The following PGCKA1 variants were observed in gnomAD, a reference collection of about 807,000 sequenced individuals.
PGCKA1 encodes the protein PDCD10 and GCKIII kinases associated 1.
chr4:37,455,165 A>ATTAT, the PGCKA1 span, among the ~76,000 whole-genome samples: 8 of 152,186 alleles, frequency 5.3e-5, no homozygotes, highest in Admixed American at 3.9e-4. Context: ...GCTTTTAAAC[A>ATTAT]TAATAGAGTC....
At chr4:37,583,659 G>A in the PGCKA1 span, among the ~76,000 whole-genome samples, 2 of 151,992 alleles carry the variant, frequency 1.3e-5, no homozygotes, top group South Asian at 2.1e-4. Context: ...GGATGGTCTC[G>A]ATCTCCTGAC....
At chr4:37,556,822 T>C in the PGCKA1 span, among the ~76,000 whole-genome samples, 613 of 152,344 alleles carry the variant, frequency 4.0e-3, 1 homozygote, top group African/African-American at 0.014. Context: ...CATGGCTTCC[T>C]TATCAAGTAA....
chr4:37,571,801 T>G, the PGCKA1 span, among the ~76,000 whole-genome samples: 1 of 151,758 alleles, frequency 6.6e-6, no homozygotes, highest in South Asian at 2.1e-4. Context: ...CCTCCCAAAT[T>G]TTGTATTTTT....
At chr4:37,578,554 T>C in the PGCKA1 span, among the ~76,000 whole-genome samples, 1 of 152,234 alleles carries the variant, frequency 6.6e-6, no homozygotes. Context: ...TTTGATGTTA[T>C]GATTAATAAG....
At chr4:37,554,172 G>A in the PGCKA1 span, among the ~76,000 whole-genome samples, 1 of 152,134 alleles carries the variant, frequency 6.6e-6, no homozygotes, top group Non-Finnish European at 1.5e-5. Flanking sequence ...CTCCTGACAT[G>A]TAAGATGTGC....
the PGCKA1 span, among the ~76,000 whole-genome samples, chr4:37,512,073 A>G: frequency 6.6e-6 from 1 of 152,200 alleles, no homozygotes; most frequent in Non-Finnish European, 1.5e-5. Flanking sequence ...AAGTGCACAG[A>G]TTCTTGGTAC....
At chr4:37,499,164 G>A in the PGCKA1 span, among the ~76,000 whole-genome samples, 3 of 152,198 alleles carry the variant, frequency 2.0e-5, no homozygotes, top group African/African-American at 7.2e-5. Flanking sequence ...TTGCATCCCA[G>A]GGATAAAGCC....
At chr4:37,543,017 C>T in the PGCKA1 span, among the ~76,000 whole-genome samples, 1 of 152,204 alleles carries the variant, frequency 6.6e-6, no homozygotes, top group South Asian at 2.1e-4. Flanking sequence ...TTGCTATCAT[C>T]TAATTCACTC....
At chr4:37,522,469 C>T in the PGCKA1 span, among the ~76,000 whole-genome samples, 20 of 152,220 alleles carry the variant, frequency 1.3e-4, no homozygotes, top group African/African-American at 4.3e-4. Context: ...ACTCATCCTT[C>T]GGGAAAGTGG....
At chr4:37,522,060 C>T in the PGCKA1 span, among the ~76,000 whole-genome samples, 2 of 152,142 alleles carry the variant, frequency 1.3e-5, no homozygotes, top group Admixed American at 1.3e-4. Context: ...TTGGGTCTCA[C>T]CCAAGGCCTA....
the PGCKA1 span, chr4:37,590,833 C>G: frequency 2.0e-5 from 32 of 1,614,054 alleles, no homozygotes; most frequent in Non-Finnish European, 2.6e-5. Context: ...TGAGAAGGGT[C>G]CTGTTCATGC....
chr4:37,468,892 G>C, the PGCKA1 span, among the ~76,000 whole-genome samples: 1 of 151,834 alleles, frequency 6.6e-6, no homozygotes, highest in Admixed American at 6.6e-5. Context: ...CTTAAAATTC[G>C]GAAAAAACGT....
the PGCKA1 span, among the ~76,000 whole-genome samples, chr4:37,573,012 T>C: frequency 6.6e-6 from 1 of 152,240 alleles, no homozygotes; most frequent in Non-Finnish European, 1.5e-5. Context: ...TATAGCAAAG[T>C]TGAAAGAATT....
the PGCKA1 span, chr4:37,590,226 G>C: frequency 1.5e-5 from 24 of 1,614,252 alleles, no homozygotes; most frequent in Non-Finnish European, 2.0e-5. Context: ...ATGACCCTCA[G>C]AGGCAGGGCT....
chr4:37,514,542 C>T, the PGCKA1 span, among the ~76,000 whole-genome samples: 1 of 152,000 alleles, frequency 6.6e-6, no homozygotes, highest in African/African-American at 2.4e-5. Flanking sequence ...TGACTGAGAC[C>T]TACAAATTAA....
At chr4:37,560,839 A>C in the PGCKA1 span, among the ~76,000 whole-genome samples, 3 of 152,092 alleles carry the variant, frequency 2.0e-5, no homozygotes, top group African/African-American at 7.2e-5. Context: ...TGTTTCTACT[A>C]TTCTCAGTTT....
chr4:37,457,911 T>C, the PGCKA1 span, among the ~76,000 whole-genome samples: 1 of 152,198 alleles, frequency 6.6e-6, no homozygotes, highest in African/African-American at 2.4e-5. Flanking sequence ...GTGATAAGTA[T>C]GAAATGTGGT....
the PGCKA1 span, among the ~76,000 whole-genome samples, chr4:37,500,474 T>G: frequency 6.6e-6 from 1 of 152,252 alleles, no homozygotes; most frequent in Non-Finnish European, 1.5e-5. Context: ...TGTGTTATGG[T>G]CTGAGAGAGT....
the PGCKA1 span, among the ~76,000 whole-genome samples, chr4:37,543,411 C>G: frequency 8.2e-3 from 1,250 of 152,266 alleles, 18 homozygotes; most frequent in African/African-American, 0.029. Context: ...TGTTTTTCTG[C>G]AGGTAGCAAA....
Sources: allele counts gnomAD v4.1 joint callset (sites outside exome capture counted in the v4.1 genomes callset), GRCh38; gene constraint gnomAD v4.1.1; transcripts MANE v1.5; gene names NCBI Gene and HGNC (gene_info 2026-07-23, HGNC 2026-07-21).